FREM3: variants seen among roughly 807,000 people sequenced by gnomAD.
FREM3 encodes FRAS1-related extracellular matrix protein 3.
A neutral mutation model predicts 129.1 loss-of-function variants in FREM3; 105 were observed. The observed-to-expected ratio is 0.81, with a 90% CI of 0.69 to 0.96. The LOEUF is 0.96. FREM3 is among the 40% of genes least tolerant of loss of function. The pLI, the probability that FREM3 is intolerant of heterozygous loss-of-function variation, is 0.00. For synonymous variants in FREM3, 1,014 were observed against 1,044.9 expected, an observed-to-expected ratio of 0.97 and a Z score of 0.57; for missense variants, 2,593 against 2,666.3, an observed-to-expected ratio of 0.97 and a Z score of 0.61.
At chr4:143,578,807 C>CTGT (rs1738083722) in intron 7 of FREM3, among the ~76,000 whole-genome samples, 1 of 152,076 alleles carries the variant, frequency 6.6e-6, no homozygotes, top group South Asian at 2.1e-4. Flanking sequence ...GTTGAGAGGA[C>CTGT]TGTTGTAGGT....
chr4:143,673,068 G>A (rs145552936), intron 2 of FREM3, among the ~76,000 whole-genome samples: 296 of 152,204 alleles, frequency 1.9e-3, no homozygotes, highest in African/African-American at 5.0e-3. Context: ...AAGTTTGATC[G>A]TCTGAAGCCT....
chr4:143,649,692 GTCTGTCATTGCAAA>G (rs1215265588), intron 2 of FREM3, among the ~76,000 whole-genome samples: 1 of 151,910 alleles, frequency 6.6e-6, no homozygotes, highest in African/African-American at 2.4e-5. Context: ...TTCTCACCTT[GTCTGTCATTGCAAA>G]TGAAACTATA....
chr4:143,630,518 G>T (rs1347161773), intron 2 of FREM3, among the ~76,000 whole-genome samples: 1 of 151,952 alleles, frequency 6.6e-6, no homozygotes, highest in African/African-American at 2.4e-5. Context: ...TTACTATTTT[G>T]TTGAAATTTT....
chr4:143,580,928 A>C (rs1214847173), intron 7 of FREM3, among the ~76,000 whole-genome samples: 1 of 152,046 alleles, frequency 6.6e-6, no homozygotes, highest in Non-Finnish European at 1.5e-5. Context: ...GGGCCTCCCG[A>C]CCTGGGACAC....
rs907800759 is a variant in FREM3 at position 143,630,083 on chromosome 4, G to A, written c.5276-2323C>T. The stretch of plus-strand genomic sequence containing the variant: ...CCTGAGTCACATGGACCCAGGTTCT[G>A]GGCCTGCCACTTATGAGCCATTTGA... On this transcript the variant is annotated intron_variant, in intron 2 of 7. Coordinates refer to ENST00000329798, the MANE Select transcript of FREM3 (RefSeq NM_001168235.2). Among the ~76,000 whole-genome samples the A allele has an allele frequency of 5.3e-5, 8 of 152,106 alleles. 1 individual carries two copies. Among genetic ancestry groups the A allele is most frequent in the Admixed American group, 5.2e-4 (8 of 15,270 alleles).
intron 2 of FREM3, among the ~76,000 whole-genome samples, chr4:143,648,103 T>G (rs1320318780): frequency 6.6e-6 from 1 of 152,226 alleles, no homozygotes. Flanking sequence ...AGGAGATCAT[T>G]TCAGAGCTTT....
chr4:143,659,026 T>A (rs1739650995), intron 2 of FREM3, among the ~76,000 whole-genome samples: 1 of 108,506 alleles, frequency 9.2e-6, no homozygotes, highest in Non-Finnish European at 2.2e-5. Context: ...GATTATAGGT[T>A]ATTTTCTTTT....
At chr4:143,590,277 G>A (rs1738334119) in intron 6 of FREM3, among the ~76,000 whole-genome samples, 1 of 152,156 alleles carries the variant, frequency 6.6e-6, no homozygotes, top group Admixed American at 6.5e-5. Context: ...ACACTATGTT[G>A]AATAGGAGTG....
chr4:143,584,163 A>G (rs764209183), intron 7 of FREM3, among the ~76,000 whole-genome samples: 33 of 152,038 alleles, frequency 2.2e-4, no homozygotes, highest in Non-Finnish European at 1.3e-4. Flanking sequence ...TAATCCCAGC[A>G]CTTTGGGAGG....
At chr4:143,647,308 G>T (rs1739436073) in intron 2 of FREM3, among the ~76,000 whole-genome samples, 1 of 152,296 alleles carries the variant, frequency 6.6e-6, no homozygotes. Context: ...AAAATTTGCA[G>T]TCTGACAATG....
At chr4:143,587,642 T>C (rs1210486180) in intron 6 of FREM3, among the ~76,000 whole-genome samples, 1 of 152,170 alleles carries the variant, frequency 6.6e-6, no homozygotes, top group South Asian at 2.1e-4. Flanking sequence ...AGAAGGAGGA[T>C]AGGCAGGAGT....
intron 2 of FREM3, 65 bp downstream of exon 2, chr4:143,693,048 T>G (rs1740501124): frequency 2.5e-6 from 2 of 804,444 alleles, no homozygotes; most frequent in Non-Finnish European, 3.7e-6. Flanking sequence ...GATTTAATTT[T>G]TTTTCCAATT....
At chr4:143,645,738 A>G (rs1739401645) in intron 2 of FREM3, among the ~76,000 whole-genome samples, 1 of 152,188 alleles carries the variant, frequency 6.6e-6, no homozygotes, top group African/African-American at 2.4e-5. Flanking sequence ...TGTTTTATCT[A>G]TTTATCAATC....
At chr4:143,589,840 C>A (rs1738323983) in intron 6 of FREM3, among the ~76,000 whole-genome samples, 1 of 152,130 alleles carries the variant, frequency 6.6e-6, no homozygotes, top group South Asian at 2.1e-4. Flanking sequence ...GCAGTATGGC[C>A]ATTTTCACAA....
At chr4:143,627,851 G>A (rs949765547) in intron 2 of FREM3, 91 bp from the exon 3 acceptor site, 2 of 808,942 alleles carry the variant, frequency 2.5e-6, no homozygotes, top group South Asian at 1.8e-5. Context: ...CTGAAACCAA[G>A]GGTTTCAAAA....
rs1560877522 is a variant in FREM3 at position 143,697,790 on chromosome 4, A to G, written c.2886T>C (p.Asn962=). Residue 962 remains asparagine, a synonymous_variant, in exon 1 of 8, where the codon AAT becomes AAC. Coordinates refer to ENST00000329798, the MANE Select transcript of FREM3 (RefSeq NM_001168235.2). ...LLDVSIDVLE[N]KATEITMGVI... ...CACCCATGGTAATTTCAGTGGCTTT[A>G]TTCTCTAGTACGTCTATAGAAACAT... The G allele has an allele frequency of 2.0e-6, 3 of 1,537,470 alleles. No homozygotes were observed. Among genetic ancestry groups the G allele is most frequent in the Admixed American group, 2.0e-5 (1 of 50,968 alleles).
intron 5 of FREM3, among the ~76,000 whole-genome samples, chr4:143,617,624 G>T (rs1185742359): frequency 6.6e-6 from 1 of 151,256 alleles, no homozygotes; most frequent in Admixed American, 6.6e-5. Flanking sequence ...CCTCTTGAAA[G>T]CACCAGATAT....
At chr4:143,657,070 A>G (rs1453333209) in intron 2 of FREM3, among the ~76,000 whole-genome samples, 1 of 152,228 alleles carries the variant, frequency 6.6e-6, no homozygotes, top group Non-Finnish European at 1.5e-5. Context: ...CACATTCACA[A>G]AATGAAATTC....
chr4:143,696,727 C>T lies in FREM3; in HGVS notation c.3949G>A (p.Val1317Ile). The change falls in exon 1 of 8, where the codon GTA (valine) becomes ATA (isoleucine). Residue 1317 changes from valine (V) to isoleucine (I), a missense_variant. Physicochemically the swap from Val to Ile is conservative, Grantham distance 29 (BLOSUM62 3). This residue lies in a region of FREM3 where 2,276 missense variants were observed against 2,267.2 expected (regional missense o/e 1.00). Transcript: ENST00000329798. Reference protein sequence around the residue: ...PHLTVNNGLKVEKGHSEIITN... With the variant: ...PHLTVNNGLKIEKGHSEIITN... ...ATGATCTCAGAGTGTCCTTTCTCTACCTTCAGCCCATTGTTGACAGTCAGG... is the reference window on the plus strand; with the variant it reads ...ATGATCTCAGAGTGTCCTTTCTCTATCTTCAGCCCATTGTTGACAGTCAGG... 6.5e-7 allele frequency: 1 copy of T among 1,537,852 alleles called. No individual in the cohort carries two copies.
Sources: allele counts gnomAD v4.1 joint callset (sites outside exome capture counted in the v4.1 genomes callset), GRCh38; gene constraint gnomAD v4.1.1; regional missense constraint gnomAD v4.1.1; transcripts MANE v1.5; gene names NCBI Gene and HGNC (gene_info 2026-07-23, HGNC 2026-07-21).